Variants in C6 observed in about 807,000 individuals in gnomAD.
The protein encoded by C6 is complement component C6.
Under a neutral mutation model 112.9 loss-of-function variants are expected in C6, and 101 were observed. That is an observed-to-expected ratio of 0.89 (90% CI 0.76 to 1.06). The LOEUF (loss-of-function observed/expected upper bound fraction) is 1.06, where lower values mean the gene tolerates loss of function less well. Ranked by LOEUF, C6 falls within the 50% of genes least tolerant of loss-of-function variation. C6 has a pLI of 0.00. For missense variants in C6, 1,202 were observed against 1,104.6 expected (o/e 1.09, Z -1.25); for synonymous variants, 431 against 384.1 (o/e 1.12, Z -1.43).
At chr5:41,246,289 GATGCCTCCAGGTTAA>G (rs1459276455) in intron 1 of C6, among the ~76,000 whole-genome samples, 2 of 152,110 alleles carry the variant, frequency 1.3e-5, no homozygotes, top group East Asian at 3.8e-4. Context: ...TAAATCAACA[GATGCCTCCAGGTTAA>G]AAGCTGGCCA....
intron 1 of C6, among the ~76,000 whole-genome samples, chr5:41,209,772 G>T (rs189984009): frequency 1.3e-5 from 2 of 152,126 alleles, no homozygotes; most frequent in Non-Finnish European, 2.9e-5. Context: ...AATCAATATC[G>T]TGAAAATGGC....
chr5:41,168,907 A>G (rs1245852504), intron 9 of C6, among the ~76,000 whole-genome samples: 3 of 152,292 alleles, frequency 2.0e-5, no homozygotes, highest in East Asian at 3.9e-4. Context: ...AATCTTTTGT[A>G]TCCAACATGG....
At chr5:41,145,793 G>C (rs560152248) in intron 17 of C6, among the ~76,000 whole-genome samples, 1 of 152,286 alleles carries the variant, frequency 6.6e-6, no homozygotes, top group East Asian at 1.9e-4. Flanking sequence ...GTGAAAGACA[G>C]GGGACTATTC....
Position 41,142,579 on chromosome 5 carries a change from T to G in C6, c.*246A>C. 1 of 541,896 alleles carries G rather than the reference T, an allele frequency of 1.8e-6. No homozygotes were observed. 33.6% of individuals were successfully genotyped at this position (541,896 alleles called of 1,614,324 possible). A position where few individuals can be genotyped will look rare whatever the true frequency, so the allele number is the denominator to read the frequency against. On this transcript the variant is annotated 3_prime_UTR_variant, in exon 18 of 18. Transcript: ENST00000337836. ...TTTTTGTACAATGTGAACAGGAGAA[T>G]TTACGAGACTGCTGTGGAAGTTGGT... is the stretch of plus-strand genomic sequence containing the variant.
Position 41,172,276 on chromosome 5 carries a change from T to C in C6, c.1240A>G (p.Thr414Ala), listed in dbSNP as rs1748485379. Residue 414 changes from threonine (T) to alanine (A), a missense_variant, in exon 9 of 18, where the codon ACA (threonine) becomes GCA (alanine). Coordinates refer to ENST00000337836, the MANE Select transcript of C6 (RefSeq NM_000065.5). ...TKKRVLFAKKTKVEHRCTTNK... is the reference protein window; with the variant it reads ...TKKRVLFAKKAKVEHRCTTNK... ...GTGGTGCACCTATGTTCCACTTTTG[T>C]TTTCTTAGCAAATAAAACGCGTTTC... 1 of 1,613,794 alleles carries C rather than the reference T, an allele frequency of 6.2e-7. No homozygotes were observed. Among genetic ancestry groups the C allele is most frequent in the South Asian group, 1.1e-5 (1 of 91,080 alleles).
chr5:41,178,339 C>T (rs532919497), intron 7 of C6, among the ~76,000 whole-genome samples: 128 of 152,000 alleles, frequency 8.4e-4, no homozygotes, highest in African/African-American at 2.5e-3. Context: ...CTGTGAATGA[C>T]GAAACAACTA....
At chr5:41,164,241 A>G (rs1247720203) in intron 9 of C6, among the ~76,000 whole-genome samples, 1 of 152,216 alleles carries the variant, frequency 6.6e-6, no homozygotes, top group Non-Finnish European at 1.5e-5. Context: ...AGTTAGGAAA[A>G]TGAAATAATT....
chr5:41,165,144 C>T (rs959405661), intron 9 of C6, among the ~76,000 whole-genome samples: 1 of 152,154 alleles, frequency 6.6e-6, no homozygotes, highest in African/African-American at 2.4e-5. Flanking sequence ...TGGCATTCAT[C>T]TATCTTGTTT....
intron 1 of C6, among the ~76,000 whole-genome samples, chr5:41,260,315 T>G (rs2150448662): frequency 6.6e-6 from 1 of 152,108 alleles, no homozygotes; most frequent in East Asian, 1.9e-4. Flanking sequence ...CATAACTTTC[T>G]TCAGAAAAAG....
At chr5:41,232,283 A>T (rs1291089197) in intron 1 of C6, among the ~76,000 whole-genome samples, 1 of 152,020 alleles carries the variant, frequency 6.6e-6, no homozygotes, top group Non-Finnish European at 1.5e-5. Context: ...GCCCTTACTC[A>T]CTTCTGTTTC....
upstream of C6, among the ~76,000 whole-genome samples, chr5:41,218,190 C>G (rs545475226): frequency 2.0e-4 from 30 of 152,228 alleles, no homozygotes; most frequent in African/African-American, 6.0e-4. Flanking sequence ...AAAAGAACGT[C>G]AAGAAGTACT....
At chr5:41,156,354 C>T (rs1746908052) in intron 13 of C6, among the ~76,000 whole-genome samples, 1 of 152,106 alleles carries the variant, frequency 6.6e-6, no homozygotes, top group African/African-American at 2.4e-5. Context: ...GAGGGAAACT[C>T]ATGCAAAGCT....
chr5:41,203,018 TCCTGATG>T, intron 2 of C6, 63 bp downstream of exon 2: 1 of 1,446,172 alleles, frequency 6.9e-7, no homozygotes, highest in South Asian at 1.1e-5. Flanking sequence ...AGTGTTGCAC[TCCTGATG>T]TTGCTGACTT....
chr5:41,144,468 T>A (rs1005219986), intron 17 of C6, among the ~76,000 whole-genome samples: 1 of 152,144 alleles, frequency 6.6e-6, no homozygotes, highest in Non-Finnish European at 1.5e-5. Context: ...GGTCTCATTA[T>A]GTTGCCCAGG....
intron 1 of C6, among the ~76,000 whole-genome samples, chr5:41,233,308 A>G (rs564466932): frequency 1.3e-5 from 2 of 152,132 alleles, no homozygotes; most frequent in Non-Finnish European, 2.9e-5. Context: ...GGCACAAAAG[A>G]TATGGGATAT....
intron 8 of C6, among the ~76,000 whole-genome samples, chr5:41,174,370 CT>C (rs1748672756): frequency 6.6e-6 from 1 of 152,152 alleles, no homozygotes; most frequent in African/African-American, 2.4e-5. Context: ...TCAGTAATGT[CT>C]TTAGCTACCC....
intron 1 of C6, among the ~76,000 whole-genome samples, chr5:41,233,891 T>C (rs1299672394): frequency 1.3e-5 from 2 of 152,104 alleles, no homozygotes; most frequent in Non-Finnish European, 2.9e-5. Flanking sequence ...AAAGTTTTTA[T>C]TATTTTCTTT....
In C6 at chr5:41,201,582, G is replaced by A; in HGVS notation, c.276C>T (p.Asp92=). The change falls in exon 3 of 18, where the codon GAC becomes GAT. Residue 92 remains aspartate, a synonymous_variant. Coordinates refer to ENST00000337836, the MANE Select transcript of C6 (RefSeq NM_000065.5). ...CCTGTTTTTCAATACAAGGGTCACA[G>A]TCTGACCATGGTCCAAAATCTCCCA... ...CLLGDFGPWS[D]CDPCIEKQSK... 4 of 1,613,658 alleles carry A rather than the reference G, an allele frequency of 2.5e-6. No homozygotes were observed. Among genetic ancestry groups the A allele is most frequent in the Non-Finnish European group, 3.4e-6 (4 of 1,179,878 alleles).
intron 4 of C6, among the ~76,000 whole-genome samples, chr5:41,196,411 GTCAT>G (rs1750623708): frequency 6.6e-6 from 1 of 151,966 alleles, no homozygotes; most frequent in Admixed American, 6.6e-5. Context: ...CATGAGTCAT[GTCAT>G]GTGATTCCTT....
Sources: gnomAD v4.1 joint callset for allele counts (sites outside exome capture counted in the v4.1 genomes callset) on GRCh38, gnomAD v4.1.1 for gene constraint, MANE v1.5 for transcripts, NCBI Gene and HGNC (gene_info 2026-07-23, HGNC 2026-07-21) for gene names.